RANBP17: variants seen among roughly 807,000 people sequenced by gnomAD.
RANBP17 encodes the protein ran-binding protein 17.
RANBP17 carries 158 observed loss-of-function variants against 141.2 expected under a neutral mutation model. That is an observed-to-expected ratio of 1.12 (90% CI 0.98 to 1.28). The LOEUF (loss-of-function observed/expected upper bound fraction) is 1.28, where lower values mean the gene tolerates loss of function less well. Among genes scored for constraint, RANBP17 ranks in the 50% most tolerant of loss-of-function variants. RANBP17 has a pLI of 0.00. For missense variants in RANBP17, 1,438 were observed against 1,290.7 expected (o/e 1.11, Z -1.75); for synonymous variants, 430 against 450.0 (o/e 0.96, Z 0.56).
At chr5:170,972,656 GC>G (rs1777078390) in intron 14 of RANBP17, among the ~76,000 whole-genome samples, 1 of 151,932 alleles carries the variant, frequency 6.6e-6, no homozygotes, top group Non-Finnish European at 1.5e-5. Context: ...AAACAATACT[GC>G]AGTAAATATT....
At chr5:171,239,453 G>A (rs1311440186) in intron 22 of RANBP17, among the ~76,000 whole-genome samples, 1 of 152,108 alleles carries the variant, frequency 6.6e-6, no homozygotes, top group Non-Finnish European at 1.5e-5. Context: ...GGAAAAACAA[G>A]CATGATAATA....
chr5:170,986,366 A>C (rs1778140232), intron 14 of RANBP17, among the ~76,000 whole-genome samples: 1 of 151,978 alleles, frequency 6.6e-6, no homozygotes, highest in Non-Finnish European at 1.5e-5. Flanking sequence ...TGAAATTTGC[A>C]TTAAGCCGAT....
rs1458328804 is a variant in RANBP17, at chr5:171,152,731, A to G, written c.1711-17399A>G. On this transcript the variant is annotated intron_variant, in intron 14 of 27. Coordinates refer to ENST00000523189, the MANE Select transcript of RANBP17 (RefSeq NM_022897.5). ...TCATACAAACTCATACCTGGATCAT[A>G]TTTGCTGTTAAAACTTAATAATGGC... is the stretch of plus-strand genomic sequence containing the variant. 2.6e-5 allele frequency among the ~76,000 whole-genome samples: 4 copies of G among 152,104 alleles called. No individual in the cohort carries two copies. The East Asian group carries it at 7.7e-4, about 29-fold the overall frequency.
chr5:171,252,669 A>C, intron 24 of RANBP17: 1 of 1,430,954 alleles, frequency 7.0e-7, no homozygotes, highest in Non-Finnish European at 9.8e-7. Context: ...AACTTAGTCT[A>C]TTTAACACTT....
At chr5:170,874,653 CT>C (rs56729722) in intron 1 of RANBP17, among the ~76,000 whole-genome samples, 6 of 148,390 alleles carry the variant, frequency 4.0e-5, no homozygotes, top group Non-Finnish European at 4.5e-5. Flanking sequence ...TTAACCCCTG[CT>C]TTTTTTTTTG....
At chr5:171,244,630 A>T in intron 24 of RANBP17, among the ~76,000 whole-genome samples, 1 of 152,170 alleles carries the variant, frequency 6.6e-6, no homozygotes, top group African/African-American at 2.4e-5. Flanking sequence ...TATTTTTAGT[A>T]GAGATAGGGT....
At chr5:171,111,672 T>A (rs1162442725) in intron 14 of RANBP17, among the ~76,000 whole-genome samples, 2 of 152,244 alleles carry the variant, frequency 1.3e-5, no homozygotes, top group Non-Finnish European at 2.9e-5. Flanking sequence ...AACTCTTTGA[T>A]GTGCTCCTTC....
chr5:171,163,813 T>C (rs1296319406), intron 14 of RANBP17, among the ~76,000 whole-genome samples: 1 of 152,174 alleles, frequency 6.6e-6, no homozygotes, highest in African/African-American at 2.4e-5. Flanking sequence ...ATAAATTGGT[T>C]CAGAGAAGGT....
chr5:171,053,134 A>G (rs977301907), intron 14 of RANBP17, among the ~76,000 whole-genome samples: 3 of 151,988 alleles, frequency 2.0e-5, no homozygotes, highest in African/African-American at 7.2e-5. Context: ...CTTTCTATTT[A>G]GTTAAGCCTT....
chr5:171,225,258 A>G (rs374718662), intron 22 of RANBP17, among the ~76,000 whole-genome samples: 1 of 152,236 alleles, frequency 6.6e-6, no homozygotes, highest in African/African-American at 2.4e-5. Flanking sequence ...GGTGATTTCT[A>G]TCTCAAAACT....
intron 25 of RANBP17, chr5:171,284,631 A>G (rs1768049630): frequency 6.6e-6 from 1 of 152,144 alleles, no homozygotes; most frequent in Non-Finnish European, 1.5e-5. Flanking sequence ...GCCTGAGGCC[A>G]TGTTCCTAAA....
chr5:171,029,006 C>T (rs778020347), intron 14 of RANBP17: 5 of 1,159,650 alleles, frequency 4.3e-6, no homozygotes, highest in Non-Finnish European at 5.6e-6. Flanking sequence ...GCAAGTCAGT[C>T]TATATGTTAA....
At chr5:170,929,433 G>A (rs543076115) in intron 12 of RANBP17, among the ~76,000 whole-genome samples, 5 of 152,130 alleles carry the variant, frequency 3.3e-5, no homozygotes, top group Admixed American at 6.5e-5. Context: ...AATGAATAAC[G>A]TATTATTTTG....
chr5:171,004,716 G>T (rs963069221), intron 14 of RANBP17, among the ~76,000 whole-genome samples: 1 of 152,166 alleles, frequency 6.6e-6, no homozygotes, highest in African/African-American at 2.4e-5. Flanking sequence ...TGGGCTTCAG[G>T]GGTTTTAGGA....
intron 14 of RANBP17, among the ~76,000 whole-genome samples, chr5:170,990,386 T>G (rs1215494570): frequency 1.3e-5 from 2 of 151,882 alleles, no homozygotes; most frequent in Non-Finnish European, 2.9e-5. Flanking sequence ...ATATAAACTT[T>G]AGTAGTGTGG....
chr5:171,177,612 G>A lies in RANBP17; in HGVS notation c.1866-5555G>A, dbSNP rs528700385. Among the ~76,000 whole-genome samples, 9 of 152,114 alleles carry A rather than the reference G, an allele frequency of 5.9e-5. No individual in the cohort carries two copies. The South Asian group carries it at 1.9e-3, about 32-fold the overall frequency. ...CATTTGACACACTGTAACTCAACTA[G>A]GTTTATTCAATTTTTCAGTCTTGGC... On this transcript the variant is annotated intron_variant, in intron 16 of 27. Coordinates refer to ENST00000523189, the MANE Select transcript of RANBP17 (RefSeq NM_022897.5).
rs1258386824 is a variant in RANBP17 at position 171,277,653 on chromosome 5, A to G, written c.2943+11806A>G. Among the ~76,000 whole-genome samples, 18 of 130,732 alleles carry G rather than the reference A, an allele frequency of 1.4e-4. 1 individual carries two copies. Among genetic ancestry groups the G allele is most frequent in the East Asian group, 7.2e-4 (3 of 4,154 alleles). The allele number at this position is 130,732 out of a possible 152,430, so 85.8% of individuals were successfully genotyped here. A position where few individuals can be genotyped will look rare whatever the true frequency, so the allele number is the denominator to read the frequency against. The stretch of plus-strand genomic sequence containing the variant: ...TATATGTATGTATATATATATATAT[A>G]TATATATATATATATTTATGTCTTA... On this transcript the variant is annotated intron_variant, in intron 25 of 27. Transcript: ENST00000523189.
rs189726468 is a variant in RANBP17 at position 171,167,424 on chromosome 5, C to T, written c.1711-2706C>T. 2.1e-3 allele frequency among the ~76,000 whole-genome samples: 313 copies of T among 151,892 alleles called. 2 individuals are homozygous for T. The highest frequency in any genetic ancestry group is 7.3e-3 in the African/African-American group (301 of 41,384). ...ACGAAAGTCCACTGTAGTTATTTAT[C>T]GAAAACAAGAAAATTAACCAGTAAA... On this transcript the variant is annotated intron_variant, in intron 14 of 27. Coordinates refer to ENST00000523189, the MANE Select transcript of RANBP17 (RefSeq NM_022897.5).
At chr5:171,105,261 A>AG in intron 14 of RANBP17, among the ~76,000 whole-genome samples, 1 of 148,942 alleles carries the variant, frequency 6.7e-6, no homozygotes, top group Non-Finnish European at 1.5e-5. Context: ...GGGCGCCTGT[A>AG]GTCCCAGCTA....
Sources: allele counts gnomAD v4.1 joint callset (sites outside exome capture counted in the v4.1 genomes callset), GRCh38; gene constraint gnomAD v4.1.1; transcripts MANE v1.5; gene names NCBI Gene and HGNC (gene_info 2026-07-23, HGNC 2026-07-21).